HMGXB4: variants seen among roughly 807,000 people sequenced by gnomAD.
HMGXB4 encodes HMG domain-containing protein 4.
In HMGXB4, 27 loss-of-function variants were observed where a neutral mutation model predicts 63.9. The observed-to-expected ratio is 0.42, with a 90% CI of 0.31 to 0.58. The LOEUF is 0.58. HMGXB4 is among the 20% of genes least tolerant of loss of function. The pLI is 0.13. For missense variants in HMGXB4, 624 were observed against 700.7 expected (o/e 0.89, Z 1.24); for synonymous variants, 264 against 265.3 (o/e 0.99, Z 0.05).
intron 9 of HMGXB4, among the ~76,000 whole-genome samples, chr22:35,290,734 C>G (rs961137815): frequency 6.6e-6 from 1 of 151,518 alleles, no homozygotes; most frequent in African/African-American, 2.4e-5. Flanking sequence ...TTGCATAGAT[C>G]TCTGCAATTT....
the HMGXB4 span, among the ~76,000 whole-genome samples, chr22:35,245,839 T>C: frequency 6.6e-6 from 1 of 152,174 alleles, no homozygotes; most frequent in African/African-American, 2.4e-5. Flanking sequence ...AGGCTTCTGC[T>C]GCTCTCTCCT....
intron 9 of HMGXB4, among the ~76,000 whole-genome samples, chr22:35,290,649 A>AG (rs1053119646): frequency 6.6e-6 from 1 of 150,772 alleles, no homozygotes; most frequent in African/African-American, 2.4e-5. Flanking sequence ...AAAAAAAAAA[A>AG]AAAAGAAACC....
chr22:35,253,068 G>T (rs558709244), upstream of HMGXB4, among the ~76,000 whole-genome samples: 6 of 149,110 alleles, frequency 4.0e-5, no homozygotes, highest in Admixed American at 6.7e-5. Context: ...GGAGGCGGAG[G>T]TTGCAGTGAG....
At chr22:35,262,264 A>G (rs1314854325) in intron 1 of HMGXB4, 59 bp from the exon 2 acceptor site, 3 of 904,052 alleles carry the variant, frequency 3.3e-6, no homozygotes, top group African/African-American at 1.7e-5. Flanking sequence ...TCCATCTGGA[A>G]GGTTGCTTCT....
chr22:35,285,612 G>A (rs113585182), intron 6 of HMGXB4, among the ~76,000 whole-genome samples: 9 of 152,096 alleles, frequency 5.9e-5, no homozygotes, highest in South Asian at 2.1e-4. Context: ...CTGTGGTCCC[G>A]CTACTTGGGA....
chr22:35,267,731 G>A (rs1923348597), intron 5 of HMGXB4, among the ~76,000 whole-genome samples: 1 of 152,098 alleles, frequency 6.6e-6, no homozygotes, highest in South Asian at 2.1e-4. Flanking sequence ...CAGACAAAAA[G>A]GATTGAAAGA....
At chr22:35,277,578 C>T (rs1178685627) in intron 5 of HMGXB4, among the ~76,000 whole-genome samples, 3 of 152,168 alleles carry the variant, frequency 2.0e-5, no homozygotes, top group African/African-American at 7.2e-5. Context: ...GAACTGCTGA[C>T]CTCAGGTGAT....
intron 5 of HMGXB4, among the ~76,000 whole-genome samples, chr22:35,266,283 C>G (rs1367713830): frequency 6.6e-6 from 1 of 152,174 alleles, no homozygotes; most frequent in Admixed American, 6.5e-5. Context: ...AACAGACTAT[C>G]AAAATTGGTA....
Position 35,283,977 on chromosome 22 carries a change from A to C in HMGXB4, c.1231A>C (p.Met411Leu), listed in dbSNP as rs773289619. ...ERGEKPKKKN[M>L]SAYQVFCKEY... The stretch of plus-strand genomic sequence containing the variant: ...GCGGCATTAGCCAAAAAAGAAGAAC[A>C]TGTCGGCCTACCAGGTGTTCTGTAA... Residue 411 changes from methionine to leucine, a missense_variant, in exon 6 of 11, where the codon ATG becomes CTG. Transcript: ENST00000216106. 6.2e-7 allele frequency: 1 copy of C among 1,614,068 alleles called. No homozygotes were observed. The highest frequency in any genetic ancestry group is 1.1e-5 in the South Asian group (1 of 91,086).
chr22:35,269,783 G>A (rs1451425308), intron 5 of HMGXB4, among the ~76,000 whole-genome samples: 2 of 152,146 alleles, frequency 1.3e-5, no homozygotes, highest in East Asian at 3.9e-4. Context: ...GAGACAGGAG[G>A]ATCGCTTGAG....
upstream of HMGXB4, among the ~76,000 whole-genome samples, chr22:35,253,132 CAAAAAAA>C (rs554912249): frequency 2.1e-5 from 2 of 96,590 alleles, no homozygotes; most frequent in Non-Finnish European, 3.8e-5. Context: ...AACTCCATCT[CAAAAAAA>C]AAAAAAAAAA....
In HMGXB4 at chr22:35,293,101, C is replaced by G. The variant is rs377189126; in HGVS notation, c.1748C>G (p.Pro583Arg). ...CAACTACCTGAATTGAATGGCTGTC[C>G]CAAACAGGTCTTGGTGAGTTTTCCC... ...TTQLPELNGC[P>R]KQVLSNTLDN... The change falls in exon 10 of 11, where the codon CCC (proline) becomes CGC (arginine). Residue 583 changes from proline (P) to arginine (R), a missense_variant. Physicochemically the swap from Pro to Arg is moderately radical, Grantham distance 103. Transcript: ENST00000216106. 3 of 1,614,066 alleles carry G rather than the reference C, an allele frequency of 1.9e-6. No homozygotes were observed. In the African/African-American group the frequency reaches 4.0e-5, roughly 22 times the overall value.
At chr22:35,280,461 T>A (rs991833184) in intron 5 of HMGXB4, among the ~76,000 whole-genome samples, 4 of 152,148 alleles carry the variant, frequency 2.6e-5, no homozygotes, top group African/African-American at 9.7e-5. Flanking sequence ...TCCTGTCACA[T>A]CTTCCTCCTT....
chr22:35,287,338 T>C lies in HMGXB4; in HGVS notation c.1363-9T>C. The C allele has an allele frequency of 1.9e-6, 3 of 1,598,272 alleles. No homozygotes were observed. Among genetic ancestry groups the C allele is most frequent in the Non-Finnish European group, 2.6e-6 (3 of 1,166,592 alleles). ...TAATTTAATTTAATGTTCACTGATG[T>C]GATTGCAGATTTGGAAGCAAAAAGC... On this transcript the variant is annotated splice_polypyrimidine_tract_variant and intron_variant, in intron 7 of 10. Transcript: ENST00000216106.
At chr22:35,254,873 G>C (rs1416365073), upstream of HMGXB4, among the ~76,000 whole-genome samples, 1 of 152,170 alleles carries the variant, frequency 6.6e-6, no homozygotes, top group African/African-American at 2.4e-5. Context: ...GCAAGAACTT[G>C]ATATGCTCCA....
In HMGXB4 at chr22:35,294,758, G is replaced by A. The variant is rs1043162010; in HGVS notation, c.*1107G>A. 3 of 152,110 alleles carry A rather than the reference G, an allele frequency of 2.0e-5. No homozygotes were observed. Among genetic ancestry groups the A allele is most frequent in the Non-Finnish European group, 4.4e-5 (3 of 68,014 alleles). The allele number at this position is 152,110 out of a possible 1,614,324, so 9.4% of individuals were successfully genotyped here. ...CAGAAGCCTCCACCAGCAACAGCATGTGGAAGATACAGATTTGTCATTTCT... is the reference window on the plus strand; with the variant it reads ...CAGAAGCCTCCACCAGCAACAGCATATGGAAGATACAGATTTGTCATTTCT... On this transcript the variant is annotated 3_prime_UTR_variant, in exon 11 of 11. Transcript: ENST00000216106.
At chr22:35,258,059 G>A (rs760154663) in intron 1 of HMGXB4, 1 of 152,276 alleles carries the variant, frequency 6.6e-6, no homozygotes, top group Non-Finnish European at 1.5e-5. Flanking sequence ...AGTACGAGGA[G>A]CTTTCTTCTT....
intron 4 of HMGXB4, 77 bp from the exon 5 acceptor site, chr22:35,264,571 G>T: frequency 1.0e-6 from 1 of 960,696 alleles, no homozygotes; most frequent in Non-Finnish European, 1.6e-6. Flanking sequence ...TGTTAGCTAG[G>T]TGCTTTTGAT....
intron 1 of HMGXB4, among the ~76,000 whole-genome samples, chr22:35,260,042 G>T (rs1922744522): frequency 6.6e-6 from 1 of 152,132 alleles, no homozygotes; most frequent in Non-Finnish European, 1.5e-5. Context: ...TGTCTTCAGA[G>T]GTACTTATTT....
Sources: allele counts gnomAD v4.1 joint callset (sites outside exome capture counted in the v4.1 genomes callset), GRCh38; gene constraint gnomAD v4.1.1; transcripts MANE v1.5; gene names NCBI Gene and HGNC (gene_info 2026-07-23, HGNC 2026-07-21).